The following PCSK5 variants were observed in gnomAD, a reference collection of about 807,000 sequenced individuals.
PCSK5 encodes proprotein convertase subtilisin/kexin type 5.
A neutral mutation model predicts 233.2 loss-of-function variants in PCSK5; 129 were observed. The observed-to-expected ratio is 0.55, with a 90% confidence interval of 0.48 to 0.64. The LOEUF (loss-of-function observed/expected upper bound fraction) is 0.64. PCSK5 is among the 30% of genes least tolerant of loss of function. PCSK5 has a pLI of 0.00. For synonymous variants in PCSK5, 825 were observed against 879.2 expected, an observed-to-expected ratio of 0.94 and a Z score of 1.09; for missense variants, 2,076 against 2,430.1, an observed-to-expected ratio of 0.85 and a Z score of 3.06.
intron 12 of PCSK5, among the ~76,000 whole-genome samples, chr9:76,163,263 C>T (rs997208072): frequency 9.2e-5 from 14 of 152,232 alleles, no homozygotes; most frequent in African/African-American, 3.4e-4. Context: ...GTGCTGAACA[C>T]GTTGATGTAG....
chr9:76,037,765 G>A (rs187196863), intron 5 of PCSK5, among the ~76,000 whole-genome samples: 18 of 152,202 alleles, frequency 1.2e-4, no homozygotes, highest in Admixed American at 3.9e-4. Flanking sequence ...AGGTTGTGTC[G>A]TACGTGGGGA....
intron 1 of PCSK5, among the ~76,000 whole-genome samples, chr9:75,898,677 A>AAAC (rs1554702625): frequency 2.0e-5 from 3 of 149,298 alleles, no homozygotes; most frequent in African/African-American, 2.5e-5. Flanking sequence ...AAAAAAAAAA[A>AAAC]CCCACTAGAG....
chr9:75,964,060 CTTTTG>C (rs1825471157), intron 2 of PCSK5, among the ~76,000 whole-genome samples: 1 of 152,136 alleles, frequency 6.6e-6, no homozygotes, highest in Non-Finnish European at 1.5e-5. Flanking sequence ...CCAACTGCTT[CTTTTG>C]TTGAGAGGAT....
In PCSK5 at chr9:76,308,664, G is replaced by A. The variant is rs1025790170; in HGVS notation, c.3624G>A (p.Gln1208=). ...ATACAGATATTTTGAGAAAACTCCA[G>A]CCTTGTCATTCTTCTTGTAAAACCT... The part of the protein sequence containing the change: ...QIKRDILRKL[Q]PCHSSCKTCN... Residue 1208 remains glutamine, a synonymous_variant, in exon 29 of 38, where the codon CAG becomes CAA. Transcript: ENST00000674117. The A allele has an allele frequency of 2.5e-6, 4 of 1,606,684 alleles. No individual in the cohort carries two copies. Among genetic ancestry groups the A allele is most frequent in the African/African-American group, 2.7e-5 (2 of 74,888 alleles).
At chr9:76,119,669 C>A (rs1290506154) in intron 9 of PCSK5, among the ~76,000 whole-genome samples, 1 of 151,802 alleles carries the variant, frequency 6.6e-6, no homozygotes, top group Non-Finnish European at 1.5e-5. Flanking sequence ...TTTGCATGTA[C>A]ATAGTATGTG....
Position 76,179,603 on chromosome 9 carries a change from C to T in PCSK5, c.1908C>T (p.Cys636=), listed in dbSNP as rs1245287967. The change falls in exon 15 of 38, where the codon TGC becomes TGT. Residue 636 remains cysteine (C), a synonymous_variant. Transcript: ENST00000674117. ...DYGTEDYAGP[C]DPECSEVGCD... is the part of the protein sequence containing the mutation. The stretch of plus-strand genomic sequence containing the variant: ...CTAATGTCTTTTGGAAAGGTCCCTG[C>T]GACCCTGAGTGCAGTGAGGTTGGCT... The T allele has an allele frequency of 9.9e-6, 16 of 1,612,238 alleles. No individual in the cohort carries two copies. The highest frequency in any genetic ancestry group is 4.0e-5 in the African/African-American group (3 of 74,868).
chr9:76,332,754 A>G (rs763820805), intron 34 of PCSK5, 144 bp downstream of exon 34: 24 of 633,000 alleles, frequency 3.8e-5, no homozygotes, highest in Non-Finnish European at 6.3e-5. Flanking sequence ...AGATGAACCA[A>G]TTCACAGTAA....
chr9:76,137,507 G>C (rs1308969492), intron 10 of PCSK5, among the ~76,000 whole-genome samples: 1 of 151,948 alleles, frequency 6.6e-6, no homozygotes, highest in African/African-American at 2.4e-5. Flanking sequence ...TATCTTTTCT[G>C]GTAGATTAGT....
Position 75,891,252 on chromosome 9 carries a change from G to T in PCSK5, c.71G>T (p.Gly24Val). 6.5e-7 allele frequency: 1 copy of T among 1,527,306 alleles called. No homozygotes were observed. The highest frequency in any genetic ancestry group is 1.3e-5 in the South Asian group (1 of 78,034). 94.6% of individuals were successfully genotyped at this position (1,527,306 alleles called of 1,614,324 possible). The change falls in exon 1 of 38, where the codon GGC (glycine) becomes GTC (valine). Residue 24 changes from glycine (G) to valine (V), a missense_variant. Physicochemically the swap from Gly to Val is moderately radical, Grantham distance 109 (BLOSUM62 -3). Transcript: ENST00000674117. Reference sequence around the variant, plus strand: ...CTGTGCGTGCTGGCGCTGCTCGGGGGCTGCCTGCTCCCCGTGTGTCGGACG... The same window carrying T: ...CTGTGCGTGCTGGCGCTGCTCGGGGTCTGCCTGCTCCCCGTGTGTCGGACG... ...DLLCVLALLGGCLLPVCRTRV... is the reference protein window; with the variant it reads ...DLLCVLALLGVCLLPVCRTRV...
chr9:76,113,256 T>C (rs1223672367), intron 9 of PCSK5, among the ~76,000 whole-genome samples: 2 of 152,138 alleles, frequency 1.3e-5, no homozygotes, highest in Non-Finnish European at 2.9e-5. Context: ...GAAGGGATCA[T>C]TCGAGACAAG....
chr9:75,889,813 T>C (rs3814115), upstream of PCSK5, among the ~76,000 whole-genome samples: 62,612 of 152,076 alleles, frequency 0.41, 14,111 homozygotes, highest in African/African-American at 0.61. Context: ...TCACAGTGCA[T>C]GATAGAGTAA....
intron 10 of PCSK5, among the ~76,000 whole-genome samples, chr9:76,152,799 G>A (rs1216580971): frequency 6.6e-6 from 1 of 152,100 alleles, no homozygotes; most frequent in African/African-American, 2.4e-5. Context: ...TTAGAATAGA[G>A]TCTTTTAGGC....
intron 2 of PCSK5, among the ~76,000 whole-genome samples, chr9:75,951,866 T>C (rs1260641933): frequency 6.6e-6 from 1 of 152,214 alleles, no homozygotes; most frequent in Non-Finnish European, 1.5e-5. Flanking sequence ...ATAAGCTACA[T>C]ACAAATACTC....
rs951996804 is a variant in PCSK5 at position 76,128,391 on chromosome 9, A to G, written c.1209-5718A>G. ...TGGAAAGCTTCATAATTGCGATTTG[A>G]TTTCAATGCATGTGATCTCAAATGA... is the stretch of plus-strand genomic sequence containing the variant. On this transcript the variant is annotated intron_variant, in intron 9 of 37. Coordinates refer to ENST00000674117, the MANE Select transcript of PCSK5 (RefSeq NM_001372043.1). Among the ~76,000 whole-genome samples the G allele has an allele frequency of 4.6e-5, 7 of 152,210 alleles. 1 individual carries two copies. The South Asian group carries it at 6.2e-4, about 14-fold the overall frequency.
chr9:75,994,640 T>C (rs1219767150), intron 3 of PCSK5, among the ~76,000 whole-genome samples: 1 of 151,920 alleles, frequency 6.6e-6, no homozygotes, highest in South Asian at 2.1e-4. Flanking sequence ...ACCAGGATGG[T>C]CTTGATCTCC....
chr9:76,262,406 A>G (rs1827206189), intron 24 of PCSK5, among the ~76,000 whole-genome samples: 1 of 152,210 alleles, frequency 6.6e-6, no homozygotes, highest in Non-Finnish European at 1.5e-5. Flanking sequence ...CCAAAACAGC[A>G]TGGTACTGGT....
At chr9:75,943,570 A>G (rs977300026) in intron 2 of PCSK5, among the ~76,000 whole-genome samples, 1 of 152,192 alleles carries the variant, frequency 6.6e-6, no homozygotes, top group Non-Finnish European at 1.5e-5. Context: ...AGTTCTTCCA[A>G]TTATCAATCA....
intron 34 of PCSK5, among the ~76,000 whole-genome samples, chr9:76,336,531 G>A (rs77497073): frequency 0.018 from 2,712 of 152,168 alleles, 63 homozygotes; most frequent in African/African-American, 0.055. Flanking sequence ...TTGTTGTAGC[G>A]TTTAACAGTT....
intron 2 of PCSK5, among the ~76,000 whole-genome samples, chr9:75,956,900 G>T (rs1363224606): frequency 6.6e-6 from 1 of 152,020 alleles, no homozygotes; most frequent in Non-Finnish European, 1.5e-5. Context: ...GTCACAAATT[G>T]TGAAAGACCA....
Sources: allele counts gnomAD v4.1 joint callset (sites outside exome capture counted in the v4.1 genomes callset), GRCh38; gene constraint gnomAD v4.1.1; transcripts MANE v1.5; gene names NCBI Gene and HGNC (gene_info 2026-07-23, HGNC 2026-07-21).